Variants in BNIP2 observed in about 807,000 individuals in gnomAD.
The protein encoded by BNIP2 is BCL2 interacting protein 2, also known as BCL2/adenovirus E1B 19 kDa protein-interacting protein 2.
BNIP2 carries 36 observed loss-of-function variants against 43.4 expected under a neutral mutation model. The observed-to-expected ratio is 0.83, with a 90% CI of 0.64 to 1.10. The LOEUF (loss-of-function observed/expected upper bound fraction) is 1.10. Ranked by LOEUF, BNIP2 falls within the 50% of genes least tolerant of loss-of-function variation. The pLI is 0.00. For synonymous variants in BNIP2, 146 were observed against 121.0 expected (o/e 1.21, Z -1.35); for missense variants, 417 against 374.1 (o/e 1.11, Z -0.95).
intron 6 of BNIP2, chr15:59,672,416 G>T (rs1326064425): frequency 8.0e-6 from 3 of 374,194 alleles, no homozygotes; most frequent in Admixed American, 4.3e-5. Flanking sequence ...TGGGGCTACA[G>T]GCCCATACTA....
At position 59,672,795 on chromosome 15, in the gene BNIP2, T is replaced by C. The variant is rs544019210; in HGVS notation, c.473-56A>G. 174 of 1,257,536 alleles carry C rather than the reference T, an allele frequency of 1.4e-4. 2 individuals are homozygous for C. In the African/African-American group the frequency reaches 2.3e-3, roughly 17 times the overall value. The allele number at this position is 1,257,536 out of a possible 1,614,324, so 77.9% of individuals were successfully genotyped here. On this transcript the variant is annotated intron_variant, in intron 5 of 9. Transcript: ENST00000607373. ...GCACGATTTTACTCTTAGGCATTTT[T>C]AGAAGACATCTGTATGATTAGTAAA...
At position 59,678,022 on chromosome 15, in the gene BNIP2, C is replaced by A. The variant is rs768813526; in HGVS notation, c.361G>T (p.Ala121Ser). Reference protein sequence around the residue: ...RKGSITEYTAAEEKEDGRRWR... With the variant: ...RKGSITEYTASEEKEDGRRWR... Reference sequence around the variant, plus strand: ...CGTCGTCCATCTTCTTTTTCCTCTGCTGCTGTGTATTCAGTAATTGAGCCT... The same window carrying A: ...CGTCGTCCATCTTCTTTTTCCTCTGATGCTGTGTATTCAGTAATTGAGCCT... The change falls in exon 5 of 10, where the codon GCA becomes TCA. Residue 121 changes from alanine (A) to serine (S), a missense_variant. Ala to Ser is a moderately conservative substitution (Grantham distance 99). Transcript: ENST00000607373. 6.2e-7 allele frequency: 1 copy of A among 1,613,996 alleles called. No homozygotes were observed. The highest frequency in any genetic ancestry group is 8.5e-7 in the Non-Finnish European group (1 of 1,179,878).
intron 9 of BNIP2, among the ~76,000 whole-genome samples, chr15:59,667,481 T>TA (rs1892635767): frequency 6.6e-6 from 1 of 152,238 alleles, no homozygotes; most frequent in Admixed American, 6.5e-5. Context: ...TATCAATAGA[T>TA]AATAGTTTGT....
Position 59,678,064 on chromosome 15 carries a change from T to C in BNIP2, c.319A>G (p.Thr107Ala), listed in dbSNP as rs370240551. The change falls in exon 5 of 10, where the codon ACT (threonine) becomes GCT (alanine). Residue 107 changes from threonine (T) to alanine (A), a missense_variant. Transcript: ENST00000607373. ...WEDDLPKPKTTEVIRKGSITE... is the reference protein window; with the variant it reads ...WEDDLPKPKTAEVIRKGSITE... ...ATTGAGCCTTTCCTAATTACTTCAG[T>C]AGTCTTGGGTTTTGGAAGATCATCT... The C allele has an allele frequency of 6.2e-7, 1 of 1,603,876 alleles. No homozygotes were observed. The highest frequency in any genetic ancestry group is 1.3e-5 in the African/African-American group (1 of 74,328).
At chr15:59,682,553 T>C (rs1410121179) in intron 1 of BNIP2, 39 bp from the exon 2 acceptor site, 3 of 1,523,598 alleles carry the variant, frequency 2.0e-6, no homozygotes, top group Admixed American at 1.9e-5. Flanking sequence ...ATTTCCACTT[T>C]ACTTTTTATC....
At position 59,663,300 on chromosome 15, in the gene BNIP2, A is replaced by G. The variant is rs1892372943; in HGVS notation, c.*769T>C. The G allele has an allele frequency of 6.6e-6, 1 of 152,336 alleles. No individual in the cohort carries two copies. Among genetic ancestry groups the G allele is most frequent in the African/African-American group, 2.4e-5 (1 of 41,466 alleles). 9.4% of individuals were successfully genotyped at this position (152,336 alleles called of 1,614,324 possible). A position where few individuals can be genotyped will look rare whatever the true frequency, so the allele number is the denominator to read the frequency against. ...AAGTTCTGACTTTGGGCCAGAAGAT[A>G]AAATGTCCCATATATACATATATAC... On this transcript the variant is annotated 3_prime_UTR_variant, in exon 10 of 10. Coordinates refer to ENST00000607373, the MANE Select transcript of BNIP2 (RefSeq NM_004330.4).
chr15:59,683,891 A>T (rs1325681365), intron 1 of BNIP2, among the ~76,000 whole-genome samples: 1 of 152,204 alleles, frequency 6.6e-6, no homozygotes, highest in African/African-American at 2.4e-5. Context: ...TTTGATTTTT[A>T]AAACAATACT....
intron 9 of BNIP2, among the ~76,000 whole-genome samples, chr15:59,666,731 G>C (rs1361663711): frequency 1.3e-5 from 2 of 151,678 alleles, no homozygotes; most frequent in Non-Finnish European, 2.9e-5. Context: ...TTTTCAGATT[G>C]ACAAAAATTT....
chr15:59,682,652 A>ATT, intron 1 of BNIP2, 138 bp from the exon 2 acceptor site: 1 of 601,334 alleles, frequency 1.7e-6, no homozygotes, highest in African/African-American at 1.9e-5. Flanking sequence ...ACAGGGTTGC[A>ATT]ATTTTTTTTT....
At position 59,688,766 on chromosome 15, in the gene BNIP2, G is replaced by C. The variant is rs944371331; in HGVS notation, c.-58+369C>G. On this transcript the variant is annotated intron_variant, in intron 1 of 9. Transcript: ENST00000607373. ...AAGTTTCTTTGTTCTGTACCAGGAC[G>C]GACGCTGGTCATAAATACTGAACCA... 15 of 1,535,530 alleles carry C rather than the reference G, an allele frequency of 9.8e-6. No homozygotes were observed. The African/African-American group carries it at 1.5e-4, about 15-fold the overall frequency.
chr15:59,674,654 G>GA (rs1397465751), intron 5 of BNIP2, among the ~76,000 whole-genome samples: 4 of 151,996 alleles, frequency 2.6e-5, no homozygotes, highest in Non-Finnish European at 1.5e-5. Flanking sequence ...AAATGACCCT[G>GA]AAAAAAAATC....
intron 9 of BNIP2, chr15:59,668,264 G>A (rs1482952633): frequency 9.1e-6 from 4 of 437,988 alleles, no homozygotes; most frequent in Non-Finnish European, 1.6e-5. Context: ...ACTACATGAT[G>A]TAGAAAGTAA....
At chr15:59,665,439 G>C (rs555192831) in intron 9 of BNIP2, 1 of 153,010 alleles carries the variant, frequency 6.5e-6, no homozygotes, top group Non-Finnish European at 1.4e-5. Context: ...GCAAAACTCC[G>C]TCTCTACAAA....
chr15:59,661,474 T>G lies in BNIP2; in HGVS notation c.*2595A>C, dbSNP rs1391685416. 6 of 152,166 alleles carry G rather than the reference T, an allele frequency of 3.9e-5. No homozygotes were observed. The highest frequency in any genetic ancestry group is 1.4e-4 in the African/African-American group (6 of 41,436). The allele number at this position is 152,166 out of a possible 1,614,324, so 9.4% of individuals were successfully genotyped here. A position where few individuals can be genotyped will look rare whatever the true frequency, so the allele number is the denominator to read the frequency against. ...TGCCTCTGCTAGACCCTACTTAGAA[T>G]CATATTTCTTCATATCTCCCTCTGA... On this transcript the variant is annotated 3_prime_UTR_variant, in exon 10 of 10. Transcript: ENST00000607373.
intron 2 of BNIP2, among the ~76,000 whole-genome samples, chr15:59,681,204 C>T (rs1893644408): frequency 6.6e-6 from 1 of 152,190 alleles, no homozygotes; most frequent in Admixed American, 6.5e-5. Context: ...AGCTGTCCAA[C>T]TGCTAAGCTA....
intron 5 of BNIP2, among the ~76,000 whole-genome samples, chr15:59,674,833 CTT>C (rs1566966712): frequency 6.6e-6 from 1 of 152,210 alleles, no homozygotes; most frequent in African/African-American, 2.4e-5. Context: ...GGATTTATAA[CTT>C]AAACTTTTAT....
In BNIP2 at chr15:59,669,264, C is replaced by T; in HGVS notation, c.794+12G>A. On this transcript the variant is annotated intron_variant, in intron 8 of 9. Transcript: ENST00000607373. The stretch of plus-strand genomic sequence containing the variant: ...AAAAATAAAATTAAAGTCAATGGCT[C>T]TCAAAAATTACCTAATAAATGGTCT... 2.0e-6 allele frequency: 3 copies of T among 1,519,216 alleles called. No individual in the cohort carries two copies. The highest frequency in any genetic ancestry group is 2.6e-5 in the South Asian group (2 of 75,936). 94.1% of individuals were successfully genotyped at this position (1,519,216 alleles called of 1,614,324 possible).
chr15:59,668,038 G>T (rs76355916), intron 9 of BNIP2: 5 of 1,083,456 alleles, frequency 4.6e-6, no homozygotes, highest in Non-Finnish European at 6.2e-6. Context: ...CAACCAATAA[G>T]GAAGAGTTAG....
intron 1 of BNIP2, among the ~76,000 whole-genome samples, chr15:59,685,882 C>T (rs1319805586): frequency 3.3e-5 from 5 of 152,118 alleles, no homozygotes; most frequent in Admixed American, 1.3e-4. Flanking sequence ...ACAACCTCTT[C>T]GAAGAAAATC....
Sources: gnomAD v4.1 joint callset for allele counts (sites outside exome capture counted in the v4.1 genomes callset) on GRCh38, gnomAD v4.1.1 for gene constraint, MANE v1.5 for transcripts, NCBI Gene and HGNC (gene_info 2026-07-23, HGNC 2026-07-21) for gene names.